DOCK1: variants seen among roughly 807,000 people sequenced by gnomAD.
DOCK1 encodes dedicator of cytokinesis 1.
In DOCK1, 138 loss-of-function variants were observed where a neutral mutation model predicts 262.7. The observed-to-expected ratio is 0.53, with a 90% CI of 0.46 to 0.61. The LOEUF is 0.61. DOCK1 is among the 20% of genes least tolerant of loss of function. DOCK1 has a pLI of 0.00. For synonymous variants in DOCK1, 866 were observed against 867.4 expected (o/e 1.00, Z 0.03); for missense variants, 1,908 against 2,370.7 (o/e 0.80, Z 4.05).
rs547926658 is a variant in DOCK1 at position 127,331,570 on chromosome 10, C to T, written c.3045-7436C>T. On this transcript the variant is annotated intron_variant, in intron 29 of 51. Coordinates refer to ENST00000623213, the MANE Select transcript of DOCK1 (RefSeq NM_001290223.2). ...GTGCTGGGATTACAGGCGTGAGCCA[C>T]GGCGCCCGGCCCGGATTCAGTTTTT... Among the ~76,000 whole-genome samples the T allele has an allele frequency of 1.7e-4, 26 of 152,306 alleles. No individual in the cohort carries two copies. The South Asian group carries it at 2.5e-3, about 15-fold the overall frequency.
At chr10:127,345,621 C>T (rs2063596995) in intron 31 of DOCK1, among the ~76,000 whole-genome samples, 1 of 152,220 alleles carries the variant, frequency 6.6e-6, no homozygotes, top group African/African-American at 2.4e-5. Flanking sequence ...CTGAGCCAAG[C>T]ACTGAGAATG....
chr10:127,239,714 C>T (rs896393913), intron 27 of DOCK1, among the ~76,000 whole-genome samples: 33 of 152,082 alleles, frequency 2.2e-4, no homozygotes, highest in Admixed American at 2.2e-3. Context: ...TTCAGATCCT[C>T]TATATCATGC....
intron 1 of DOCK1, among the ~76,000 whole-genome samples, chr10:126,939,444 T>A (rs1034650341): frequency 6.6e-6 from 1 of 152,246 alleles, no homozygotes; most frequent in Admixed American, 6.5e-5. Flanking sequence ...AATTCTAGGA[T>A]GAATTTTTCT....
At chr10:127,416,014 C>T (rs910326978) in intron 44 of DOCK1, among the ~76,000 whole-genome samples, 1 of 152,338 alleles carries the variant, frequency 6.6e-6, no homozygotes, top group African/African-American at 2.4e-5. Flanking sequence ...TGAGTCCCCC[C>T]GAAACACCTG....
At chr10:127,354,327 A>G (rs2064030068) in intron 31 of DOCK1, among the ~76,000 whole-genome samples, 1 of 152,210 alleles carries the variant, frequency 6.6e-6, no homozygotes, top group Admixed American at 6.5e-5. Context: ...TGGTGTCTGC[A>G]GTGCCTAGAC....
In DOCK1 at chr10:126,957,036, C is replaced by T. The variant is rs971791672; in HGVS notation, c.47-13666C>T. Among the ~76,000 whole-genome samples the T allele has an allele frequency of 9.3e-4, 142 of 152,236 alleles. 3 individuals are homozygous for T. The highest frequency in any genetic ancestry group is 3.3e-3 in the African/African-American group (135 of 41,538). On this transcript the variant is annotated intron_variant, in intron 1 of 51. Coordinates refer to ENST00000623213, the MANE Select transcript of DOCK1 (RefSeq NM_001290223.2). ...GCTCTCCCTGGGCACAGGCTGCACC[C>T]GACGGGGGAAAGCGGGGAAGGGGTC... is the stretch of plus-strand genomic sequence containing the variant.
Position 126,995,081 on chromosome 10 carries a change from C to A in DOCK1, c.474-1667C>A, listed in dbSNP as rs536226437. ...GCAGAGGCGCTCTTCACATCTCAGA[C>A]GGGGCGGCAGGGCAGAGGCGCTCCC... On this transcript the variant is annotated intron_variant, in intron 6 of 51. Transcript: ENST00000623213. The surrounding 1 kb of genome is among the most constrained non-coding windows in gnomAD (Gnocchi z 5.8). 1.4e-5 allele frequency among the ~76,000 whole-genome samples: 2 copies of A among 146,236 alleles called. No individual in the cohort carries two copies. The highest frequency in any genetic ancestry group is 5.1e-5 in the African/African-American group (2 of 38,956).
rs2040112323 is a variant in DOCK1, at chr10:126,995,393, C to T, written c.474-1355C>T. ...CAAGACTCTGTCTGCAATCCCAGCA[C>T]CTCGGGAGGCTGAGGCTGGCAGATC... On this transcript the variant is annotated intron_variant, in intron 6 of 51. Coordinates refer to ENST00000623213, the MANE Select transcript of DOCK1 (RefSeq NM_001290223.2). This position sits in a 1 kb window ranked among gnomAD's most constrained non-coding sequence, Gnocchi z 5.8. 6.6e-6 allele frequency among the ~76,000 whole-genome samples: 1 copy of T among 152,228 alleles called. No homozygotes were observed. Among genetic ancestry groups the T allele is most frequent in the African/African-American group, 2.4e-5 (1 of 41,456 alleles).
chr10:127,341,173 T>C (rs1042232814), intron 30 of DOCK1, among the ~76,000 whole-genome samples: 1 of 152,186 alleles, frequency 6.6e-6, no homozygotes, highest in Non-Finnish European at 1.5e-5. Flanking sequence ...TAACTTCACT[T>C]TTTCCCACGT....
chr10:127,197,841 G>A (rs1029567134), intron 27 of DOCK1, among the ~76,000 whole-genome samples: 2 of 152,066 alleles, frequency 1.3e-5, no homozygotes, highest in South Asian at 4.1e-4. Flanking sequence ...GACTTTATAC[G>A]AAATACCTTC....
At chr10:127,250,991 T>G (rs1364053901) in intron 28 of DOCK1, among the ~76,000 whole-genome samples, 3 of 151,968 alleles carry the variant, frequency 2.0e-5, no homozygotes, top group African/African-American at 7.3e-5. Flanking sequence ...AGACAGAGTT[T>G]CACTCTTGTT....
chr10:126,951,785 A>G (rs887210654), intron 1 of DOCK1, among the ~76,000 whole-genome samples: 3 of 151,998 alleles, frequency 2.0e-5, no homozygotes, highest in Non-Finnish European at 2.9e-5. Flanking sequence ...GTGACAGGAA[A>G]TAATCTCTTC....
intron 1 of DOCK1, among the ~76,000 whole-genome samples, chr10:126,936,710 G>A (rs1419111760): frequency 6.6e-6 from 1 of 152,152 alleles, no homozygotes; most frequent in African/African-American, 2.4e-5. Flanking sequence ...AACTTATTGG[G>A]AGAAGTAGAT....
At chr10:127,045,847 A>C (rs557493581) in intron 21 of DOCK1, among the ~76,000 whole-genome samples, 2 of 152,256 alleles carry the variant, frequency 1.3e-5, no homozygotes, top group South Asian at 4.2e-4. Flanking sequence ...CCTCACTGGC[A>C]ACTGATGCTC....
intron 35 of DOCK1, among the ~76,000 whole-genome samples, chr10:127,378,411 G>A (rs975957459): frequency 2.0e-5 from 3 of 152,170 alleles, no homozygotes; most frequent in Non-Finnish European, 2.9e-5. Context: ...GCTGGTGTGG[G>A]GGGACTTGAG....
At chr10:126,975,093 AAC>A (rs2038417091) in intron 2 of DOCK1, among the ~76,000 whole-genome samples, 3 of 152,002 alleles carry the variant, frequency 2.0e-5, no homozygotes, top group Admixed American at 2.0e-4. Flanking sequence ...ATCTGTTTTT[AAC>A]AGATGTAAGT....
intron 27 of DOCK1, among the ~76,000 whole-genome samples, chr10:127,211,937 A>G (rs1159525712): frequency 6.6e-6 from 1 of 152,246 alleles, no homozygotes; most frequent in Non-Finnish European, 1.5e-5. Context: ...CCAATATTCC[A>G]GAGTTTCAAA....
At chr10:127,111,222 A>C (rs1388946532) in intron 25 of DOCK1, among the ~76,000 whole-genome samples, 2 of 152,158 alleles carry the variant, frequency 1.3e-5, no homozygotes, top group Non-Finnish European at 2.9e-5. Flanking sequence ...TGGGATGCGA[A>C]TTTTAATCTT....
chr10:127,028,531 C>T (rs1160505241), intron 16 of DOCK1, among the ~76,000 whole-genome samples: 2 of 152,138 alleles, frequency 1.3e-5, no homozygotes, highest in Non-Finnish European at 2.9e-5. Context: ...CCCAGGTAGT[C>T]AGTGGAAGAG....
Sources: gnomAD v4.1 joint callset for allele counts (sites outside exome capture counted in the v4.1 genomes callset) on GRCh38, gnomAD v4.1.1 for gene constraint, Gnocchi (gnomAD v3.1) non-coding constraint, MANE v1.5 for transcripts, NCBI Gene and HGNC (gene_info 2026-07-23, HGNC 2026-07-21) for gene names.